LGR4: variants seen among roughly 807,000 people sequenced by gnomAD.
LGR4 encodes leucine-rich repeat-containing G protein-coupled receptor 4.
A neutral mutation model predicts 84.8 loss-of-function variants in LGR4; 44 were observed. The ratio of observed to expected loss-of-function variants is 0.52; its 90% CI spans 0.41 to 0.67. LGR4 has a LOEUF of 0.67. Ranked by LOEUF, LGR4 falls within the 30% of genes least tolerant of loss-of-function variation. The pLI is 0.00. For synonymous variants in LGR4, 429 were observed against 434.3 expected, an observed-to-expected ratio of 0.99 and a Z score of 0.15; for missense variants, 1,032 against 1,131.4, an observed-to-expected ratio of 0.91 and a Z score of 1.26.
intron 1 of LGR4, among the ~76,000 whole-genome samples, chr11:27,453,015 G>A (rs1358382244): frequency 6.6e-6 from 1 of 151,528 alleles, no homozygotes; most frequent in East Asian, 1.9e-4. Flanking sequence ...CTTTTTTAAT[G>A]TTCCTACATG....
chr11:27,449,753 G>T lies in LGR4; in HGVS notation c.185+22365C>A, dbSNP rs569755837. Among the ~76,000 whole-genome samples, 6 of 152,170 alleles carry T rather than the reference G, an allele frequency of 3.9e-5. No homozygotes were observed. The South Asian group carries it at 1.2e-3, about 32-fold the overall frequency. ...GAGATACCACTTCCAGAATTCAAAG[G>T]ACGTATGTCTATAATTAGCTGAATA... On this transcript the variant is annotated intron_variant, in intron 1 of 17. Coordinates refer to ENST00000379214, the MANE Select transcript of LGR4 (RefSeq NM_018490.5).
intron 1 of LGR4, among the ~76,000 whole-genome samples, chr11:27,439,901 CTTTTT>C (rs1164372130): frequency 1.8e-4 from 18 of 100,718 alleles, no homozygotes; most frequent in South Asian, 2.9e-4. Flanking sequence ...TAGGATTTCT[CTTTTT>C]TTTTTTTTTT....
Position 27,367,574 on chromosome 11 carries a change from A to G in LGR4, c.*293T>C, listed in dbSNP as rs1398373338. On this transcript the variant is annotated 3_prime_UTR_variant, in exon 18 of 18. Coordinates refer to ENST00000379214, the MANE Select transcript of LGR4 (RefSeq NM_018490.5). Reference sequence around the variant, plus strand: ...ATAGGTATAAATTTGCTTCTTATGGATCAGAAAAAACTAACATTATATTGC... The same window carrying G: ...ATAGGTATAAATTTGCTTCTTATGGGTCAGAAAAAACTAACATTATATTGC... 2 of 234,014 alleles carry G rather than the reference A, an allele frequency of 8.5e-6. No individual in the cohort carries two copies. Among genetic ancestry groups the G allele is most frequent in the Non-Finnish European group, 1.6e-5 (2 of 121,394 alleles). The allele number at this position is 234,014 out of a possible 1,614,324, so 14.5% of individuals were successfully genotyped here. A position where few individuals can be genotyped will look rare whatever the true frequency, so the allele number is the denominator to read the frequency against.
At chr11:27,448,248 A>C (rs1003702494) in intron 1 of LGR4, among the ~76,000 whole-genome samples, 1 of 152,094 alleles carries the variant, frequency 6.6e-6, no homozygotes, top group Non-Finnish European at 1.5e-5. Context: ...ATCATGTTTA[A>C]ATTAGAATAA....
intron 1 of LGR4, among the ~76,000 whole-genome samples, chr11:27,465,211 G>A (rs1864756152): frequency 6.6e-6 from 1 of 152,198 alleles, no homozygotes; most frequent in Admixed American, 6.5e-5. Context: ...GTTGCCACAG[G>A]AGGGTGGTTC....
intron 2 of LGR4, among the ~76,000 whole-genome samples, chr11:27,395,549 C>T (rs1273204816): frequency 6.6e-6 from 1 of 152,172 alleles, no homozygotes; most frequent in Non-Finnish European, 1.5e-5. Context: ...TCTTTCTCCT[C>T]TATTTATCTT....
chr11:27,427,448 G>A (rs1238819955), intron 1 of LGR4, among the ~76,000 whole-genome samples: 1 of 152,162 alleles, frequency 6.6e-6, no homozygotes, highest in African/African-American at 2.4e-5. Context: ...GGGTTATGGG[G>A]CAGCACATTG....
chr11:27,378,957 C>T, intron 10 of LGR4, 189 bp from the exon 11 acceptor site: 1 of 571,280 alleles, frequency 1.8e-6, no homozygotes. Flanking sequence ...ATCATCTTCA[C>T]AGTAACTCAA....
chr11:27,414,995 A>G (rs936722746), intron 1 of LGR4, among the ~76,000 whole-genome samples: 1 of 152,198 alleles, frequency 6.6e-6, no homozygotes, highest in Admixed American at 6.5e-5. Context: ...AATGTTTCTG[A>G]AAAGTTTATC....
intron 2 of LGR4, among the ~76,000 whole-genome samples, chr11:27,410,897 G>A (rs1378951702): frequency 6.6e-6 from 1 of 152,054 alleles, no homozygotes; most frequent in East Asian, 1.9e-4. Context: ...AAAAGTCCTG[G>A]TTGGCAGAAT....
intron 3 of LGR4, among the ~76,000 whole-genome samples, chr11:27,391,586 G>A (rs1278435560): frequency 3.3e-5 from 5 of 152,090 alleles, no homozygotes; most frequent in African/African-American, 7.2e-5. Flanking sequence ...AGCAGAGCCC[G>A]GAAACATGGA....
intron 12 of LGR4, among the ~76,000 whole-genome samples, chr11:27,376,763 C>G (rs1470522241): frequency 6.6e-6 from 1 of 152,148 alleles, no homozygotes; most frequent in Non-Finnish European, 1.5e-5. Context: ...AGTTACAGGA[C>G]TACATAGAGT....
intron 1 of LGR4, among the ~76,000 whole-genome samples, chr11:27,471,240 A>C (rs1864866642): frequency 6.6e-6 from 1 of 152,186 alleles, no homozygotes; most frequent in Admixed American, 6.5e-5. Flanking sequence ...GTAAGTCTGA[A>C]ACATTTCAGT....
chr11:27,403,122 T>TA (rs1383403058), intron 2 of LGR4, among the ~76,000 whole-genome samples: 1 of 152,186 alleles, frequency 6.6e-6, no homozygotes, highest in Non-Finnish European at 1.5e-5. Context: ...CACACTGTAA[T>TA]AAAAGCAGCA....
At position 27,407,908 on chromosome 11, in the gene LGR4, GGAAA is replaced by G. The variant is rs1408530205; in HGVS notation, c.257+4877_257+4880del. Among the ~76,000 whole-genome samples, 13 of 152,062 alleles carry G rather than the reference GGAAA, an allele frequency of 8.5e-5. 1 individual carries two copies. The highest frequency in any genetic ancestry group is 7.9e-4 in the Admixed American group (12 of 15,246). On this transcript the variant is annotated intron_variant, in intron 2 of 17. Coordinates refer to ENST00000379214, the MANE Select transcript of LGR4 (RefSeq NM_018490.5). ...ATGTACATATATTTTGTATGTGTGT[GGAAA>G]GAAAGAGAGAGAGAAAGTTAACATT...
At chr11:27,440,686 T>C (rs1160336466) in intron 1 of LGR4, among the ~76,000 whole-genome samples, 1 of 152,170 alleles carries the variant, frequency 6.6e-6, no homozygotes, top group Non-Finnish European at 1.5e-5. Flanking sequence ...TATTTTTCAC[T>C]AAGAAGTATG....
intron 2 of LGR4, among the ~76,000 whole-genome samples, chr11:27,397,008 C>T (rs1863403724): frequency 6.6e-6 from 1 of 152,160 alleles, no homozygotes; most frequent in East Asian, 1.9e-4. Context: ...TTTTTTTCCT[C>T]CTGGACTACT....
rs749539628 is a variant in LGR4 at position 27,378,671 on chromosome 11, G to A, written c.1043+26C>T. 5.4e-6 allele frequency: 8 copies of A among 1,471,216 alleles called. No homozygotes were observed. In the Admixed American group the frequency reaches 1.4e-4, roughly 25 times the overall value. 91.1% of individuals were successfully genotyped at this position (1,471,216 alleles called of 1,614,324 possible). On this transcript the variant is annotated intron_variant, in intron 11 of 17. Coordinates refer to ENST00000379214, the MANE Select transcript of LGR4 (RefSeq NM_018490.5). ...TGAATATATAAACAAAAGGTATGAGGGGAAGGGAAGAAGAATCCAACTTAC... is the reference window on the plus strand; with the variant it reads ...TGAATATATAAACAAAAGGTATGAGAGGAAGGGAAGAAGAATCCAACTTAC...
intron 4 of LGR4, among the ~76,000 whole-genome samples, chr11:27,390,760 T>C (rs201333096): frequency 2.0e-4 from 30 of 152,328 alleles, no homozygotes; most frequent in Non-Finnish European, 2.1e-4. Context: ...TTTGTGGCTG[T>C]TTCTTGACAG....
Sources: allele counts gnomAD v4.1 joint callset (sites outside exome capture counted in the v4.1 genomes callset), GRCh38; gene constraint gnomAD v4.1.1; transcripts MANE v1.5; gene names NCBI Gene and HGNC (gene_info 2026-07-23, HGNC 2026-07-21).